ABI3BP: variants seen among roughly 807,000 people sequenced by gnomAD.
ABI3BP encodes target of Nesh-SH3.
Under a neutral mutation model 268.6 loss-of-function variants are expected in ABI3BP, and 216 were observed. That is an observed-to-expected ratio of 0.80 (90% CI 0.72 to 0.90). The LOEUF (loss-of-function observed/expected upper bound fraction) is 0.90, where lower values mean the gene tolerates loss of function less well. Among genes scored for constraint, ABI3BP ranks in the 40% least tolerant of loss-of-function variants. ABI3BP has a pLI of 0.00. For synonymous variants in ABI3BP, 730 were observed against 730.0 expected (o/e 1.00, Z 0.00); for missense variants, 2,090 against 2,182.4 (o/e 0.96, Z 0.84).
At chr3:100,982,452 A>G (rs1049285798) in intron 1 of ABI3BP, among the ~76,000 whole-genome samples, 1 of 152,024 alleles carries the variant, frequency 6.6e-6, no homozygotes, top group Non-Finnish European at 1.5e-5. Flanking sequence ...TGTTAGAGAA[A>G]AAAACCCTAA....
At chr3:100,849,984 T>G in intron 17 of ABI3BP, 61 bp downstream of exon 17, 1 of 1,415,762 alleles carries the variant, frequency 7.1e-7, no homozygotes, top group Non-Finnish European at 9.8e-7. Context: ...ATGGCCAACA[T>G]GACTTCTCAC....
Position 100,752,895 on chromosome 3 carries a change from C to T in ABI3BP, c.5014G>A (p.Glu1672Lys), listed in dbSNP as rs2095414786. The change falls in exon 66 of 68, where the codon GAG becomes AAG. Residue 1672 changes from glutamate (E) to lysine (K), a missense_variant. Transcript: ENST00000471714. The part of the protein sequence containing the change: ...ERPFNSDSYS[E>K]CKGKQYVKRT... ...TTGACATATTGTTTGCCCTTACACT[C>T]TGAGTAAGAGTCTGAATTAAAGGGT... 1.9e-6 allele frequency: 3 copies of T among 1,613,528 alleles called. No individual in the cohort carries two copies. Among genetic ancestry groups the T allele is most frequent in the Non-Finnish European group, 2.5e-6 (3 of 1,179,670 alleles).
chr3:100,919,236 TTC>T (rs2059557083), intron 2 of ABI3BP, among the ~76,000 whole-genome samples: 1 of 152,220 alleles, frequency 6.6e-6, no homozygotes, highest in South Asian at 2.1e-4. Context: ...CAACCCCTAT[TTC>T]TGTTTTTCTT....
intron 14 of ABI3BP, among the ~76,000 whole-genome samples, chr3:100,854,461 C>G (rs1221168840): frequency 6.6e-6 from 1 of 152,104 alleles, no homozygotes; most frequent in East Asian, 1.9e-4. Context: ...TTTATAAAAC[C>G]CTTCTATATA....
At chr3:100,912,170 C>T in intron 2 of ABI3BP, 1 of 342,774 alleles carries the variant, frequency 2.9e-6, no homozygotes, top group Non-Finnish European at 5.3e-6. Context: ...CCTGCTCTTA[C>T]CCTTCGTGCT....
chr3:100,932,320 A>G (rs1421502115), intron 1 of ABI3BP, among the ~76,000 whole-genome samples: 1 of 152,120 alleles, frequency 6.6e-6, no homozygotes, highest in Non-Finnish European at 1.5e-5. Flanking sequence ...AAGTCTCCCA[A>G]ACAAAAACAA....
chr3:100,941,206 G>T (rs73143064), intron 1 of ABI3BP, among the ~76,000 whole-genome samples: 17,986 of 151,792 alleles, frequency 0.12, 1,354 homozygotes, highest in Middle Eastern at 0.2. Context: ...CTGCTCCAGG[G>T]CAAGCAGAAC....
intron 2 of ABI3BP, among the ~76,000 whole-genome samples, chr3:100,905,269 GGGTATGGGGGAA>G (rs964037075): frequency 2.2e-4 from 33 of 152,228 alleles, no homozygotes; most frequent in Middle Eastern, 6.8e-3. Flanking sequence ...TGTTGGGGTG[GGGTATGGGGGAA>G]GGATAGCATT....
intron 4 of ABI3BP, among the ~76,000 whole-genome samples, chr3:100,886,712 T>C (rs999520410): frequency 1.3e-5 from 2 of 151,942 alleles, no homozygotes; most frequent in South Asian, 4.1e-4. Flanking sequence ...GGTAGTTTCA[T>C]AGTTGTATGA....
At chr3:100,916,670 G>T (rs913343072) in intron 2 of ABI3BP, among the ~76,000 whole-genome samples, 1 of 152,180 alleles carries the variant, frequency 6.6e-6, no homozygotes. Flanking sequence ...TCAGCTAACT[G>T]GTTGATAAGA....
rs1356333340 is a variant in ABI3BP, at chr3:100,886,363, G to C, written c.462-40C>G. 3.0e-6 allele frequency: 4 copies of C among 1,326,452 alleles called. No individual in the cohort carries two copies. In the East Asian group the frequency reaches 8.3e-5, roughly 28 times the overall value. 82.2% of individuals were successfully genotyped at this position (1,326,452 alleles called of 1,614,324 possible). A position where few individuals can be genotyped will look rare whatever the true frequency, so the allele number is the denominator to read the frequency against. On this transcript the variant is annotated intron_variant, in intron 4 of 67. Coordinates refer to ENST00000471714, the MANE Select transcript of ABI3BP (RefSeq NM_001375547.2). ...GAATATAATGCTTTAAAATCACAGAGGGATTCAGAATGTTATTTCAAATTT... is the reference window on the plus strand; with the variant it reads ...GAATATAATGCTTTAAAATCACAGACGGATTCAGAATGTTATTTCAAATTT...
At chr3:100,901,623 G>A (rs555650814) in intron 3 of ABI3BP, among the ~76,000 whole-genome samples, 120 of 152,064 alleles carry the variant, frequency 7.9e-4, no homozygotes, top group South Asian at 4.2e-3. Flanking sequence ...AAAATTAGCC[G>A]GGCCTGGTGG....
chr3:100,815,770 A>C (rs2098019001), intron 44 of ABI3BP, 142 bp downstream of exon 44: 3 of 579,678 alleles, frequency 5.2e-6, no homozygotes, highest in African/African-American at 1.9e-5. Flanking sequence ...ACTTGAATTA[A>C]AACTGCTGAC....
At chr3:100,969,148 TG>T (rs1305319754) in intron 1 of ABI3BP, among the ~76,000 whole-genome samples, 1 of 152,276 alleles carries the variant, frequency 6.6e-6, no homozygotes, top group African/African-American at 2.4e-5. Flanking sequence ...GTCACAGACT[TG>T]AATCAGAGCC....
At chr3:100,888,302 A>G (rs963775811) in intron 4 of ABI3BP, among the ~76,000 whole-genome samples, 1 of 152,132 alleles carries the variant, frequency 6.6e-6, no homozygotes, top group Non-Finnish European at 1.5e-5. Context: ...CCTGTGAGTC[A>G]AAATATCAGT....
chr3:100,794,877 C>G (rs1199793333), intron 54 of ABI3BP, 46 bp downstream of exon 54: 1 of 1,418,104 alleles, frequency 7.1e-7, no homozygotes, highest in South Asian at 1.2e-5. Flanking sequence ...AAGGGAAATT[C>G]CTAAAAGGCA....
intron 33 of ABI3BP, 132 bp downstream of exon 33, chr3:100,829,449 T>C (rs2098446941): frequency 2.8e-6 from 2 of 701,802 alleles, no homozygotes; most frequent in Non-Finnish European, 4.5e-6. Flanking sequence ...TACCACGTCA[T>C]CTCCCCAGCC....
At chr3:100,839,999 A>C in intron 23 of ABI3BP, 73 bp downstream of exon 23, 1 of 1,288,534 alleles carries the variant, frequency 7.8e-7, no homozygotes, top group East Asian at 2.6e-5. Flanking sequence ...CAGTTGCTCA[A>C]GTAGCTGATA....
intron 1 of ABI3BP, among the ~76,000 whole-genome samples, chr3:100,946,621 T>C (rs945465752): frequency 2.0e-5 from 3 of 151,676 alleles, no homozygotes; most frequent in Non-Finnish European, 4.4e-5. Flanking sequence ...AAACCCTATC[T>C]CTACTAAAAA....
Sources: gnomAD v4.1 joint callset for allele counts (sites outside exome capture counted in the v4.1 genomes callset) on GRCh38, gnomAD v4.1.1 for gene constraint, MANE v1.5 for transcripts, NCBI Gene and HGNC (gene_info 2026-07-23, HGNC 2026-07-21) for gene names.